DHX34: variants seen among roughly 807,000 people sequenced by gnomAD.
DHX34 encodes the protein DExH-box helicase 34.
Under a neutral mutation model 111.1 loss-of-function variants are expected in DHX34, and 96 were observed. The observed-to-expected ratio is 0.86, with a 90% CI of 0.73 to 1.02. DHX34 has a LOEUF of 1.02. DHX34 is among the 50% of genes least tolerant of loss of function. The pLI, the probability that DHX34 is intolerant of heterozygous loss-of-function variation, is 0.00. For missense variants in DHX34, 1,560 were observed against 1,579.9 expected, an observed-to-expected ratio of 0.99 and a Z score of 0.21; for synonymous variants, 688 against 670.4, an observed-to-expected ratio of 1.03 and a Z score of -0.41.
rs768717752 is a variant in DHX34 at position 47,353,767 on chromosome 19, C to T, written c.705+32C>T. On this transcript the variant is annotated intron_variant, in intron 2 of 16. Transcript: ENST00000328771. The surrounding 1 kb of genome is among the most constrained non-coding windows in gnomAD (Gnocchi z 4.6). ...GGGACGCACCAGGTTTCCGATTTTT[C>T]CAGCGTGACCTTGGGGGAATAGGTT... is the stretch of plus-strand genomic sequence containing the variant. 5.3e-6 allele frequency: 8 copies of T among 1,500,668 alleles called. No individual in the cohort carries two copies. In the Admixed American group the frequency reaches 8.9e-5, roughly 17 times the overall value. 93.0% of individuals were successfully genotyped at this position (1,500,668 alleles called of 1,614,324 possible). A position where few individuals can be genotyped will look rare whatever the true frequency, so the allele number is the denominator to read the frequency against.
chr19:47,379,879 C>A lies in DHX34; in HGVS notation c.2876C>A (p.Ala959Glu), dbSNP rs201995364. ...GAAAGTGCCCTGGACCGGCAGCTGG[C>A]GCACCAGGCCCAGCAGCAGCTGGAG... ...RWESALDRQLAHQAQQQLEEE... is the reference protein window; with the variant it reads ...RWESALDRQLEHQAQQQLEEE... The change falls in exon 14 of 17, where the codon GCG becomes GAG. Residue 959 changes from alanine to glutamate, a missense_variant. Ala to Glu is a moderately radical substitution (Grantham distance 107, BLOSUM62 -1). Transcript: ENST00000328771. 1 of 1,613,330 alleles carries A rather than the reference C, an allele frequency of 6.2e-7. No individual in the cohort carries two copies. The highest frequency in any genetic ancestry group is 1.3e-5 in the African/African-American group (1 of 74,918).
chr19:47,354,945 C>T, intron 2 of DHX34, 94 bp from the exon 3 acceptor site: 2 of 1,549,658 alleles, frequency 1.3e-6, no homozygotes, highest in Non-Finnish European at 1.7e-6. Context: ...TGAGCCACCG[C>T]ACCCGGCCTG....
At chr19:47,373,798 C>G in intron 9 of DHX34, 98 bp downstream of exon 9, 2 of 1,442,416 alleles carry the variant, frequency 1.4e-6, no homozygotes, top group Non-Finnish European at 1.9e-6. Context: ...AGTGGTCAGA[C>G]CAGAATCCCA....
rs1156682722 is a variant in DHX34, at chr19:47,377,110, C to T, written c.2610C>T (p.Asp870=). 1 of 1,614,036 alleles carries T rather than the reference C, an allele frequency of 6.2e-7. No homozygotes were observed. Among genetic ancestry groups the T allele is most frequent in the Admixed American group, 1.7e-5 (1 of 60,020 alleles). ...TCCTCAACCTTTCAGACGACAAGGA[C>T]AAGATGAGCAGCAAACACCAGCTCC... ...SNCDGSRDDK[D]KMSSKHQLLS... is the part of the protein sequence containing the mutation. Residue 870 remains aspartate, a synonymous_variant, in exon 13 of 17, where the codon GAC becomes GAT. Coordinates refer to ENST00000328771, the MANE Select transcript of DHX34 (RefSeq NM_014681.6).
intron 9 of DHX34, 81 bp from the exon 10 acceptor site, chr19:47,375,385 A>G: frequency 6.9e-7 from 1 of 1,456,764 alleles, no homozygotes; most frequent in Non-Finnish European, 9.0e-7. Context: ...CAGCCCTGCC[A>G]CTGGGAGGGT....
rs1969520413 is a variant in DHX34, at chr19:47,358,215, CG to C, written c.1272+100del. 11 of 1,490,820 alleles carry C rather than the reference CG, an allele frequency of 7.4e-6. No homozygotes were observed. In the African/African-American group the frequency reaches 1.2e-4, roughly 17 times the overall value. The allele number at this position is 1,490,820 out of a possible 1,614,324, so 92.3% of individuals were successfully genotyped here. A position where few individuals can be genotyped will look rare whatever the true frequency, so the allele number is the denominator to read the frequency against. On this transcript the variant is annotated intron_variant, in intron 4 of 16. Transcript: ENST00000328771. Reference sequence around the variant, plus strand: ...TGTGTAACTCCACAAACACAGGGCTCGGGGGCTGTACTTGTGCAAAGTCGTA... The same window carrying C: ...TGTGTAACTCCACAAACACAGGGCTCGGGGCTGTACTTGTGCAAAGTCGTA...
At chr19:47,375,288 G>A (rs1970100587) in intron 9 of DHX34, 178 bp from the exon 10 acceptor site, 1 of 985,350 alleles carries the variant, frequency 1.0e-6, no homozygotes, top group African/African-American at 1.7e-5. Flanking sequence ...TCCCTCCACT[G>A]ACCAGCGAGG....
rs959558595 is a variant in DHX34, at chr19:47,353,904, G to C, written c.705+169G>C. Among the ~76,000 whole-genome samples the C allele has an allele frequency of 1.6e-4, 24 of 152,132 alleles. No individual in the cohort carries two copies. The highest frequency in any genetic ancestry group is 5.8e-4 in the African/African-American group (24 of 41,426). ...GCTTGTCTGTGGTCTACATGACAAA[G>C]GAGCTAGCATTAACCAGTGTAGCAC... On this transcript the variant is annotated intron_variant, in intron 2 of 16. Coordinates refer to ENST00000328771, the MANE Select transcript of DHX34 (RefSeq NM_014681.6). This position sits in a 1 kb window ranked among gnomAD's most constrained non-coding sequence, Gnocchi z 4.6.
Position 47,371,747 on chromosome 19 carries a change from C to T in DHX34, c.1769-983C>T, listed in dbSNP as rs187572402. Among the ~76,000 whole-genome samples the T allele has an allele frequency of 9.9e-5, 15 of 152,196 alleles. No homozygotes were observed. In the East Asian group the frequency reaches 2.7e-3, roughly 28 times the overall value. The stretch of plus-strand genomic sequence containing the variant: ...CCCAAGTAGCTGGGATTACAGGCGC[C>T]TGCCACCACACCCAGCTAATTTTTG... On this transcript the variant is annotated intron_variant, in intron 7 of 16. Transcript: ENST00000328771.
chr19:47,380,814 A>G lies in DHX34; in HGVS notation c.2983-2A>G. On this transcript the variant is annotated splice_acceptor_variant, in intron 14 of 16. Coordinates refer to ENST00000328771, the MANE Select transcript of DHX34 (RefSeq NM_014681.6). LOFTEE classifies it high-confidence loss of function. ...CTCCATTTCCTGTCTCTCCTTCCTT[A>G]GATTCCTTACAGCCTCCGGCGGCTC... 6.2e-7 allele frequency: 1 copy of G among 1,613,732 alleles called. No individual in the cohort carries two copies. Among genetic ancestry groups the G allele is most frequent in the East Asian group, 2.2e-5 (1 of 44,860 alleles).
intron 11 of DHX34, 97 bp downstream of exon 11, chr19:47,376,194 CCTGGTTCTGTCCCCATGGGGCTCACAA>C (rs1179808553): frequency 8.8e-6 from 13 of 1,481,200 alleles, no homozygotes; most frequent in Non-Finnish European, 1.2e-5. Flanking sequence ...CTGAAACAAC[CCTGGTTCTGTCCCCATGGGGCTCACAA>C]CCCAGTGGGA....
At chr19:47,379,458 GTCTC>G (rs200903140) in intron 13 of DHX34, 7,985 of 312,984 alleles carry the variant, frequency 0.026, 124 homozygotes, top group Non-Finnish European at 0.031. Context: ...GAATGCAGCT[GTCTC>G]TCTCCCAGCA....
At chr19:47,359,308 GA>G (rs1330720428) in intron 4 of DHX34, among the ~76,000 whole-genome samples, 2 of 152,062 alleles carry the variant, frequency 1.3e-5, no homozygotes, top group Non-Finnish European at 2.9e-5. Flanking sequence ...CAAAACGGAA[GA>G]AAACTAGCTG....
Position 47,353,038 on chromosome 19 carries a change from C to T in DHX34, c.8C>T (p.Pro3Leu), listed in dbSNP as rs1969333033. The change falls in exon 2 of 17, where the codon CCT becomes CTT. Residue 3 changes from proline (P) to leucine (L), a missense_variant. Pro to Leu is a moderately conservative substitution (Grantham distance 98). Coordinates refer to ENST00000328771, the MANE Select transcript of DHX34 (RefSeq NM_014681.6). This position sits in a 1 kb window ranked among gnomAD's most constrained non-coding sequence, Gnocchi z 4.6. MPPPRTREGRDRR... is the reference protein window; with the variant it reads MPLPRTREGRDRR... ...CTATTGTGGATTAGTAACATGCCTCCTCCTAGAACAAGGGAGGGCAGGGAT... is the reference window on the plus strand; with the variant it reads ...CTATTGTGGATTAGTAACATGCCTCTTCCTAGAACAAGGGAGGGCAGGGAT... 6.2e-7 allele frequency: 1 copy of T among 1,610,216 alleles called. No individual in the cohort carries two copies. The highest frequency in any genetic ancestry group is 8.5e-7 in the Non-Finnish European group (1 of 1,176,868).
Position 47,381,241 on chromosome 19 carries a change from G to A in DHX34, c.3215G>A (p.Cys1072Tyr). The change falls in exon 16 of 17, where the codon TGT (cysteine) becomes TAT (tyrosine). Residue 1072 changes from cysteine (C) to tyrosine (Y), a missense_variant. Physicochemically the swap from Cys to Tyr is radical, Grantham distance 194 (BLOSUM62 -2). Transcript: ENST00000328771. ...CLRTFWTCPH[C>Y]GLHAPLTPLE... ...CGAACCTTCTGGACCTGCCCCCACTGTGGCCTGCATGCGCCCCTCACGCCC... is the reference window on the plus strand; with the variant it reads ...CGAACCTTCTGGACCTGCCCCCACTATGGCCTGCATGCGCCCCTCACGCCC... 6.2e-7 allele frequency: 1 copy of A among 1,614,056 alleles called. No homozygotes were observed. Among genetic ancestry groups the A allele is most frequent in the Non-Finnish European group, 8.5e-7 (1 of 1,179,948 alleles).
At chr19:47,369,404 A>G (rs897814438) in intron 7 of DHX34, among the ~76,000 whole-genome samples, 3 of 152,152 alleles carry the variant, frequency 2.0e-5, no homozygotes, top group African/African-American at 2.4e-5. Flanking sequence ...GGCCTTTCAA[A>G]CTGCTGGGAT....
chr19:47,356,533 G>A (rs907561129), intron 3 of DHX34, among the ~76,000 whole-genome samples: 1 of 151,914 alleles, frequency 6.6e-6, no homozygotes, highest in East Asian at 1.9e-4. Context: ...GGAAGGCTGA[G>A]GCAGGAGAAT....
intron 7 of DHX34, among the ~76,000 whole-genome samples, chr19:47,368,959 C>T (rs545658228): frequency 6.6e-6 from 1 of 152,258 alleles, no homozygotes; most frequent in South Asian, 2.1e-4. Flanking sequence ...TCTCAGCTAA[C>T]TGCCACCTCC....
At position 47,373,581 on chromosome 19, in the gene DHX34, G is replaced by A. The variant is rs376007741; in HGVS notation, c.1963-18G>A. The A allele has an allele frequency of 6.2e-5, 100 of 1,610,332 alleles. 1 individual carries two copies. Among genetic ancestry groups the A allele is most frequent in the African/African-American group, 4.0e-4 (30 of 74,954 alleles). On this transcript the variant is annotated intron_variant, in intron 8 of 16. Coordinates refer to ENST00000328771, the MANE Select transcript of DHX34 (RefSeq NM_014681.6). The stretch of plus-strand genomic sequence containing the variant: ...ACTGGCCAGGCCCTGACACCCTGGC[G>A]TCTGCTCCTCCACCCAGGTGAAATC...
Sources: gnomAD v4.1 joint callset for allele counts (sites outside exome capture counted in the v4.1 genomes callset) on GRCh38, gnomAD v4.1.1 for gene constraint, Gnocchi (gnomAD v3.1) non-coding constraint, MANE v1.5 for transcripts, NCBI Gene and HGNC (gene_info 2026-07-23, HGNC 2026-07-21) for gene names.